The following ZNF277 variants were observed in gnomAD, a reference collection of about 807,000 sequenced individuals.
ZNF277 encodes the protein zinc finger protein 277, also known as nuclear receptor-interacting factor 4.
ZNF277 carries 55 observed loss-of-function variants against 60.7 expected under a neutral mutation model. That is an observed-to-expected ratio of 0.91 (90% confidence interval 0.73 to 1.13). The LOEUF (loss-of-function observed/expected upper bound fraction) is 1.13, where lower values mean the gene tolerates loss of function less well. Among genes scored for constraint, ZNF277 ranks in the 50% most tolerant of loss-of-function variants. The pLI, the probability that ZNF277 is intolerant of heterozygous loss-of-function variation, is 0.00. For synonymous variants in ZNF277, 178 were observed against 179.3 expected (o/e 0.99, Z 0.06); for missense variants, 510 against 523.0 (o/e 0.98, Z 0.24).
chr7:112,317,351 T>C (rs776829847), intron 4 of ZNF277, among the ~76,000 whole-genome samples: 1 of 151,990 alleles, frequency 6.6e-6, no homozygotes, highest in African/African-American at 2.4e-5. Flanking sequence ...AAGTTAAATA[T>C]CAATTATATG....
chr7:112,246,164 G>A (rs1381979244), intron 1 of ZNF277, among the ~76,000 whole-genome samples: 1 of 151,874 alleles, frequency 6.6e-6, no homozygotes, highest in Non-Finnish European at 1.5e-5. Context: ...TGGGAGGATT[G>A]CTTGAGCCCA....
rs1791837597 is a variant in ZNF277 at position 112,277,629 on chromosome 7, A to C, written c.92-9244A>C. On this transcript the variant is annotated intron_variant, in intron 1 of 11. Coordinates refer to ENST00000361822, the MANE Select transcript of ZNF277 (RefSeq NM_021994.3). ...TAAAATTCAATTTCCAAGTCTCACT[A>C]TTCATGTTTTAAATGCTCAATCTCC... 1.3e-5 allele frequency among the ~76,000 whole-genome samples: 2 copies of C among 152,182 alleles called. 1 individual carries two copies. The highest frequency in any genetic ancestry group is 4.1e-4 in the South Asian group (2 of 4,832).
Position 112,286,911 on chromosome 7 carries a change from G to T in ZNF277, c.130G>T (p.Glu44Ter). Residue 44 changes from glutamate to a stop codon, truncating the protein, a stop_gained, in exon 2 of 12, where the codon GAA becomes TAA. Coordinates refer to ENST00000361822, the MANE Select transcript of ZNF277 (RefSeq NM_021994.3). LOFTEE classifies it high-confidence loss of function. ...TATCCTGGAGCCGCTTTCCCTGCCA[G>T]AAAGTCCAGGTGGCACCACCACTTT... ...DCILEPLSLP[E>*]SPGGTTTLEG... 1 of 1,561,896 alleles carries T rather than the reference G, an allele frequency of 6.4e-7. No individual in the cohort carries two copies. The highest frequency in any genetic ancestry group is 8.6e-7 in the Non-Finnish European group (1 of 1,156,314).
At chr7:112,291,534 T>C (rs1369724551) in intron 2 of ZNF277, among the ~76,000 whole-genome samples, 1 of 152,184 alleles carries the variant, frequency 6.6e-6, no homozygotes, top group African/African-American at 2.4e-5. Context: ...GTAGCTGCAA[T>C]TGTAGCTTTC....
chr7:112,214,162 A>G (rs565503230), intron 1 of ZNF277, among the ~76,000 whole-genome samples: 2 of 152,312 alleles, frequency 1.3e-5, no homozygotes, highest in Non-Finnish European at 2.9e-5. Context: ...GCTGCCCTTT[A>G]CAATACACAC....
Position 112,320,151 on chromosome 7 carries a change from A to G in ZNF277, c.557+1878A>G, listed in dbSNP as rs528506668. Among the ~76,000 whole-genome samples the G allele has an allele frequency of 2.0e-4, 31 of 152,212 alleles. No individual in the cohort carries two copies. The South Asian group carries it at 6.0e-3, about 30-fold the overall frequency. On this transcript the variant is annotated intron_variant, in intron 5 of 11. Transcript: ENST00000361822. Reference sequence around the variant, plus strand: ...TATCCATATGCCATTAAATTCTTACAGTATTAGTATTTGAACATATTAAAT... The same window carrying G: ...TATCCATATGCCATTAAATTCTTACGGTATTAGTATTTGAACATATTAAAT...
At chr7:112,239,641 C>A (rs1327174197) in intron 1 of ZNF277, among the ~76,000 whole-genome samples, 2 of 152,156 alleles carry the variant, frequency 1.3e-5, no homozygotes, top group Admixed American at 6.5e-5. Flanking sequence ...AGATTTTTGT[C>A]AACACCAGAC....
intron 1 of ZNF277, among the ~76,000 whole-genome samples, chr7:112,262,436 A>G (rs1226756278): frequency 2.6e-5 from 4 of 152,154 alleles, no homozygotes; most frequent in African/African-American, 9.7e-5. Flanking sequence ...TTAAGTTCCT[A>G]TAGCAAACAG....
In ZNF277 at chr7:112,257,355, A is replaced by C. The variant is rs868237281; in HGVS notation, c.92-29518A>C. ...CTTCCTGCCTTCATCAAACTTAAAA[A>C]CTGGCAGGAAAAATAGACTTTAGCA... is the stretch of plus-strand genomic sequence containing the variant. On this transcript the variant is annotated intron_variant, in intron 1 of 11. Transcript: ENST00000361822. Among the ~76,000 whole-genome samples the C allele has an allele frequency of 4.6e-5, 7 of 151,422 alleles. No individual in the cohort carries two copies. The South Asian group carries it at 1.2e-3, about 27-fold the overall frequency.
At position 112,263,586 on chromosome 7, in the gene ZNF277, C is replaced by T. The variant is rs551164961; in HGVS notation, c.92-23287C>T. 3.9e-5 allele frequency among the ~76,000 whole-genome samples: 6 copies of T among 152,292 alleles called. No individual in the cohort carries two copies. In the South Asian group the frequency reaches 1.2e-3, roughly 32 times the overall value. Reference sequence around the variant, plus strand: ...CCCAGCTTTTGTAGCTTCAGATCATCACACTGGGCAGTGTGGCCTCTCAAA... The same window carrying T: ...CCCAGCTTTTGTAGCTTCAGATCATTACACTGGGCAGTGTGGCCTCTCAAA... On this transcript the variant is annotated intron_variant, in intron 1 of 11. Transcript: ENST00000361822.
chr7:112,247,827 G>T (rs994451508), intron 1 of ZNF277, among the ~76,000 whole-genome samples: 2 of 151,958 alleles, frequency 1.3e-5, no homozygotes. Context: ...AATTAGCCAG[G>T]CATGGTTGCG....
chr7:112,214,321 G>A (rs1821828390), intron 1 of ZNF277, among the ~76,000 whole-genome samples: 1 of 152,178 alleles, frequency 6.6e-6, no homozygotes, highest in African/African-American at 2.4e-5. Flanking sequence ...ATCTTCAAAT[G>A]TTTCTATTAG....
At chr7:112,309,363 A>G (rs1166728283) in intron 4 of ZNF277, among the ~76,000 whole-genome samples, 1 of 152,016 alleles carries the variant, frequency 6.6e-6, no homozygotes, top group Non-Finnish European at 1.5e-5. Context: ...AGATTGTTTG[A>G]GGAAGACTGG....
chr7:112,256,680 A>G (rs1032104193), intron 1 of ZNF277, among the ~76,000 whole-genome samples: 1 of 152,090 alleles, frequency 6.6e-6, no homozygotes, highest in Non-Finnish European at 1.5e-5. Context: ...TCCTGACCTC[A>G]GGTGATATAC....
chr7:112,252,396 G>A (rs1791218334), intron 1 of ZNF277, among the ~76,000 whole-genome samples: 1 of 152,136 alleles, frequency 6.6e-6, no homozygotes, highest in African/African-American at 2.4e-5. Context: ...AATGGAGCAG[G>A]ATAGCACAAT....
chr7:112,285,823 GA>G (rs906950963), intron 1 of ZNF277, among the ~76,000 whole-genome samples: 2 of 151,940 alleles, frequency 1.3e-5, no homozygotes. Context: ...TAAAGTAAGG[GA>G]AAAAAATAGG....
At chr7:112,305,300 G>A (rs1256443676) in intron 4 of ZNF277, among the ~76,000 whole-genome samples, 4 of 152,026 alleles carry the variant, frequency 2.6e-5, no homozygotes, top group Non-Finnish European at 5.9e-5. Flanking sequence ...ATGAGCCTCT[G>A]GAATGGTACT....
intron 1 of ZNF277, among the ~76,000 whole-genome samples, chr7:112,239,054 A>C (rs1790876770): frequency 6.6e-6 from 1 of 152,160 alleles, no homozygotes; most frequent in African/African-American, 2.4e-5. Flanking sequence ...ATAGCCAGGC[A>C]CTACTCACCA....
At chr7:112,319,256 G>A (rs1792919138) in intron 5 of ZNF277, among the ~76,000 whole-genome samples, 1 of 152,006 alleles carries the variant, frequency 6.6e-6, no homozygotes, top group African/African-American at 2.4e-5. Context: ...TGGTCTTTAT[G>A]ATGAACATTC....
Sources: gnomAD v4.1 joint callset for allele counts (sites outside exome capture counted in the v4.1 genomes callset) on GRCh38, gnomAD v4.1.1 for gene constraint, MANE v1.5 for transcripts, NCBI Gene and HGNC (gene_info 2026-07-23, HGNC 2026-07-21) for gene names.